CCDC178: variants seen among roughly 807,000 people sequenced by gnomAD.
CCDC178 encodes the protein coiled-coil domain containing 178, also known as coiled-coil domain-containing protein 178.
In CCDC178, 126 loss-of-function variants were observed where a neutral mutation model predicts 117.4. That is an observed-to-expected ratio of 1.07 (90% CI 0.93 to 1.24). CCDC178 has a LOEUF of 1.24. CCDC178 is among the 50% of genes most tolerant of loss of function. The pLI, the probability that CCDC178 is intolerant of heterozygous loss-of-function variation, is 0.00. For missense variants in CCDC178, 1,030 were observed against 986.9 expected, an observed-to-expected ratio of 1.04 and a Z score of -0.59; for synonymous variants, 283 against 313.4, an observed-to-expected ratio of 0.90 and a Z score of 1.02.
intron 21 of CCDC178, among the ~76,000 whole-genome samples, chr18:33,075,637 G>A (rs188633854): frequency 3.3e-5 from 5 of 152,176 alleles, no homozygotes; most frequent in Non-Finnish European, 7.4e-5. Flanking sequence ...AACTTGACTA[G>A]ATACAACATT....
chr18:33,071,525 T>C (rs528969852), intron 21 of CCDC178, among the ~76,000 whole-genome samples: 1 of 152,194 alleles, frequency 6.6e-6, no homozygotes, highest in South Asian at 2.1e-4. Flanking sequence ...GTTTTCTGAA[T>C]AGCAAATCAT....
intron 14 of CCDC178, among the ~76,000 whole-genome samples, chr18:33,252,390 A>C (rs2059627498): frequency 6.6e-6 from 1 of 151,754 alleles, no homozygotes; most frequent in African/African-American, 2.4e-5. Flanking sequence ...GGGCTAACTA[A>C]CATGTGGGTG....
chr18:33,274,585 T>C (rs2059925783), intron 12 of CCDC178, among the ~76,000 whole-genome samples: 1 of 151,930 alleles, frequency 6.6e-6, no homozygotes, highest in Non-Finnish European at 1.5e-5. Context: ...AGCAATAAAA[T>C]ACTGACAGAC....
chr18:33,350,364 A>G (rs2144693184), intron 7 of CCDC178, among the ~76,000 whole-genome samples: 1 of 152,168 alleles, frequency 6.6e-6, no homozygotes, highest in African/African-American at 2.4e-5. Flanking sequence ...ACATCGTACA[A>G]CTATCATCCC....
intron 21 of CCDC178, among the ~76,000 whole-genome samples, chr18:33,061,504 GA>G (rs1418892481): frequency 6.6e-6 from 1 of 152,118 alleles, no homozygotes; most frequent in Non-Finnish European, 1.5e-5. Flanking sequence ...TTTATTAAGT[GA>G]TTTGAAATGC....
At chr18:33,207,364 C>T (rs1333562035) in intron 20 of CCDC178, among the ~76,000 whole-genome samples, 2 of 151,634 alleles carry the variant, frequency 1.3e-5, no homozygotes, top group African/African-American at 4.8e-5. Flanking sequence ...TAAACCATAG[C>T]CAATTAACGT....
intron 20 of CCDC178, among the ~76,000 whole-genome samples, chr18:33,203,891 C>A (rs1377220915): frequency 6.6e-6 from 1 of 152,166 alleles, no homozygotes; most frequent in Non-Finnish European, 1.5e-5. Flanking sequence ...GTCTATAAGA[C>A]TAACTATGAT....
In CCDC178 at chr18:33,152,311, T is replaced by C. The variant is rs192488699; in HGVS notation, c.2239-59401A>G. On this transcript the variant is annotated intron_variant, in intron 20 of 22. Transcript: ENST00000383096. ...GATGAAATATAAACCAAAATCATTT[T>C]CAAATACGCAAAGTGGGAATCTTTA... 2.4e-3 allele frequency among the ~76,000 whole-genome samples: 372 copies of C among 152,240 alleles called. 1 individual carries two copies. The highest frequency in any genetic ancestry group is 8.7e-3 in the African/African-American group (362 of 41,524).
intron 22 of CCDC178, among the ~76,000 whole-genome samples, chr18:32,961,766 T>G (rs2054708239): frequency 6.6e-6 from 1 of 152,098 alleles, no homozygotes; most frequent in East Asian, 1.9e-4. Flanking sequence ...CTGTGTGTAA[T>G]GCTTGCTCCT....
At chr18:33,376,021 G>A (rs2063360500) in intron 5 of CCDC178, among the ~76,000 whole-genome samples, 3 of 152,176 alleles carry the variant, frequency 2.0e-5, no homozygotes. Context: ...GGCCAAGCGG[G>A]TGACTTGAGA....
At chr18:33,077,706 T>C (rs2057233782) in intron 21 of CCDC178, among the ~76,000 whole-genome samples, 1 of 152,048 alleles carries the variant, frequency 6.6e-6, no homozygotes, top group Admixed American at 6.6e-5. Context: ...CCTGGACACA[T>C]ACACACTCCC....
At chr18:32,995,951 C>CTATG (rs1187210252) in intron 21 of CCDC178, among the ~76,000 whole-genome samples, 1 of 151,532 alleles carries the variant, frequency 6.6e-6, no homozygotes, top group African/African-American at 2.4e-5. Flanking sequence ...ATATCTATGT[C>CTATG]TCTCTCTATA....
intron 2 of CCDC178, among the ~76,000 whole-genome samples, chr18:33,414,484 A>G (rs892649260): frequency 1.3e-5 from 2 of 152,220 alleles, no homozygotes; most frequent in Non-Finnish European, 2.9e-5. Context: ...TGCTGGGAAA[A>G]CTGGCTAGCC....
intron 11 of CCDC178, among the ~76,000 whole-genome samples, chr18:33,294,393 G>A (rs773473524): frequency 1.7e-4 from 26 of 152,030 alleles, no homozygotes; most frequent in Admixed American, 2.6e-4. Flanking sequence ...AGAGTAAAAC[G>A]TTTATATGTA....
chr18:33,005,944 T>C (rs2055739566), intron 21 of CCDC178, among the ~76,000 whole-genome samples: 2 of 152,064 alleles, frequency 1.3e-5, no homozygotes, highest in African/African-American at 2.4e-5. Context: ...GCCTTTCCCT[T>C]GAATTTAAAT....
intron 21 of CCDC178, among the ~76,000 whole-genome samples, chr18:33,058,922 C>T (rs1445841006): frequency 6.6e-6 from 1 of 152,062 alleles, no homozygotes; most frequent in Admixed American, 6.6e-5. Flanking sequence ...ACATACAACA[C>T]TTGGAAGATG....
intron 21 of CCDC178, among the ~76,000 whole-genome samples, chr18:33,004,030 C>T (rs1016260096): frequency 1.3e-5 from 2 of 151,674 alleles, no homozygotes; most frequent in Non-Finnish European, 2.9e-5. Flanking sequence ...GAAAAGGACA[C>T]AAAAAAATAG....
chr18:33,045,288 A>G (rs150466338), intron 21 of CCDC178, among the ~76,000 whole-genome samples: 1 of 152,240 alleles, frequency 6.6e-6, no homozygotes, highest in African/African-American at 2.4e-5. Context: ...TGATGCCTGT[A>G]GTGCTTAATA....
At chr18:33,219,071 T>A (rs966535626) in intron 18 of CCDC178, among the ~76,000 whole-genome samples, 2 of 152,186 alleles carry the variant, frequency 1.3e-5, no homozygotes, top group Non-Finnish European at 2.9e-5. Context: ...ATACTGATTA[T>A]TCCTATCGAT....
Sources: allele counts gnomAD v4.1 joint callset (sites outside exome capture counted in the v4.1 genomes callset), GRCh38; gene constraint gnomAD v4.1.1; transcripts MANE v1.5; gene names NCBI Gene and HGNC (gene_info 2026-07-23, HGNC 2026-07-21).